The following UMAD1 variants were observed in gnomAD, a reference collection of about 807,000 sequenced individuals.
UMAD1 encodes the protein UBAP1-MVB12-associated (UMA)-domain containing protein 1.
UMAD1 carries 8 observed loss-of-function variants against 6.1 expected under a neutral mutation model. That is an observed-to-expected ratio of 1.30 (90% CI 0.76 to 2.35). UMAD1 has a LOEUF of 2.35. Among genes scored for constraint, UMAD1 ranks in the 30% most tolerant of loss-of-function variants. UMAD1 has a pLI of 0.00. For synonymous variants in UMAD1, 56 were observed against 31.4 expected (o/e 1.78, Z -2.61); for missense variants, 130 against 78.4 (o/e 1.66, Z -2.49).
chr7:7,798,461 T>C (rs1782731168), intron 2 of UMAD1, among the ~76,000 whole-genome samples: 1 of 152,210 alleles, frequency 6.6e-6, no homozygotes, highest in Admixed American at 6.5e-5. Flanking sequence ...GTGTATTTGC[T>C]TTGAAGGAGC....
chr7:7,790,385 G>T (rs1392104720), intron 2 of UMAD1, among the ~76,000 whole-genome samples: 1 of 152,208 alleles, frequency 6.6e-6, no homozygotes, highest in Non-Finnish European at 1.5e-5. Context: ...TCCATCCCAT[G>T]CCAGCCTATG....
rs1375402386 is a variant in UMAD1, at chr7:7,791,437, G to A, written c.83-10233G>A. ...TGACATGGGAAAGATATTAACAGCA[G>A]CAACAACACAAAATCTTTCAAGATG... On this transcript the variant is annotated intron_variant, in intron 2 of 3. Transcript: ENST00000682710. 3.3e-5 allele frequency among the ~76,000 whole-genome samples: 5 copies of A among 152,128 alleles called. No individual in the cohort carries two copies. The South Asian group carries it at 1.0e-3, about 32-fold the overall frequency.
intron 1 of UMAD1, among the ~76,000 whole-genome samples, chr7:7,669,757 G>A (rs368980739): frequency 1.3e-5 from 2 of 152,172 alleles, no homozygotes; most frequent in Admixed American, 6.5e-5. Flanking sequence ...AGACACGAGG[G>A]TGACTGATGC....
intron 2 of UMAD1, among the ~76,000 whole-genome samples, chr7:7,778,235 TGTGTGTGTGTG>T (rs1782261348): frequency 2.3e-5 from 1 of 43,198 alleles, no homozygotes; most frequent in African/African-American, 7.0e-5. Flanking sequence ...TTTGTGTGTG[TGTGTGTGTGTG>T]TGTGTGTGTG....
intron 1 of UMAD1, among the ~76,000 whole-genome samples, chr7:7,652,492 T>C (rs1450321436): frequency 1.3e-5 from 2 of 152,240 alleles, no homozygotes; most frequent in East Asian, 1.9e-4. Flanking sequence ...TTGACTAGAC[T>C]AGAATGTGAG....
At position 7,859,360 on chromosome 7, in the gene UMAD1, G is replaced by C. The variant is rs190351293; in HGVS notation, c.157-17921G>C. Among the ~76,000 whole-genome samples, 168 of 152,270 alleles carry C rather than the reference G, an allele frequency of 1.1e-3. 2 individuals are homozygous for C. The highest frequency in any genetic ancestry group is 1.8e-4 in the Non-Finnish European group (12 of 68,000). On this transcript the variant is annotated intron_variant, in intron 3 of 3. Transcript: ENST00000682710. ...TGTTTATGTTTCTTACCATAATCAA[G>C]AACAGTGTGAAGTTAGGTATTCTTC...
rs184474456 is a variant in UMAD1, at chr7:7,667,926, C to T, written c.-63-5383C>T. On this transcript the variant is annotated intron_variant, in intron 1 of 3. Transcript: ENST00000682710. ...CAATACTTAACCTAGTTTTTCACTT[C>T]AGTTCTTTTTTGTTCATTTAACACA... Among the ~76,000 whole-genome samples, 14 of 152,138 alleles carry T rather than the reference C, an allele frequency of 9.2e-5. No homozygotes were observed. The East Asian group carries it at 2.7e-3, about 29-fold the overall frequency.
chr7:7,839,597 A>G (rs1783637355), intron 3 of UMAD1, among the ~76,000 whole-genome samples: 1 of 152,202 alleles, frequency 6.6e-6, no homozygotes, highest in Admixed American at 6.5e-5. Flanking sequence ...AATAGGACTT[A>G]CAATAGCATG....
chr7:7,690,386 C>A (rs1193690160), intron 2 of UMAD1, among the ~76,000 whole-genome samples: 1 of 151,828 alleles, frequency 6.6e-6, no homozygotes, highest in Admixed American at 6.6e-5. Flanking sequence ...AGTTTAAAAC[C>A]AAGTATATAT....
chr7:7,863,442 T>C (rs559145979), intron 3 of UMAD1, among the ~76,000 whole-genome samples: 72 of 152,332 alleles, frequency 4.7e-4, no homozygotes, highest in Middle Eastern at 3.4e-3. Context: ...CATGAAACTT[T>C]GATAAAATTG....
chr7:7,644,147 T>C (rs1217467175), intron 1 of UMAD1, among the ~76,000 whole-genome samples: 6 of 152,220 alleles, frequency 3.9e-5, no homozygotes, highest in Admixed American at 2.6e-4. Context: ...GAAGTGTTTT[T>C]TTGTCGTGAC....
intron 2 of UMAD1, among the ~76,000 whole-genome samples, chr7:7,719,091 GT>G (rs5882135): frequency 6.6e-6 from 1 of 151,772 alleles, no homozygotes; most frequent in South Asian, 2.1e-4. Flanking sequence ...TTTAAGAACT[GT>G]TTTTTTCTGC....
chr7:7,871,787 A>G (rs1324119990), intron 3 of UMAD1, among the ~76,000 whole-genome samples: 1 of 152,092 alleles, frequency 6.6e-6, no homozygotes, highest in Non-Finnish European at 1.5e-5. Flanking sequence ...TGTACTAGAT[A>G]TAGTTTGATA....
intron 2 of UMAD1, among the ~76,000 whole-genome samples, chr7:7,754,155 A>G (rs1406304403): frequency 6.6e-6 from 1 of 152,182 alleles, no homozygotes; most frequent in Non-Finnish European, 1.5e-5. Context: ...ATTGCACTCC[A>G]GCCTGGGTGA....
At chr7:7,758,183 A>T (rs1781816408) in intron 2 of UMAD1, among the ~76,000 whole-genome samples, 1 of 152,018 alleles carries the variant, frequency 6.6e-6, no homozygotes, top group Non-Finnish European at 1.5e-5. Flanking sequence ...TGCTATGGTT[A>T]CGGGCATGAG....
chr7:7,661,923 G>A lies in UMAD1; in HGVS notation c.-63-11386G>A, dbSNP rs374684771. On this transcript the variant is annotated intron_variant, in intron 1 of 3. Transcript: ENST00000682710. Reference sequence around the variant, plus strand: ...TGCACCCACAGCTGCCCCTTCCCCCGAGGTGCTCTGTCCCTGGGAGATGGG... The same window carrying A: ...TGCACCCACAGCTGCCCCTTCCCCCAAGGTGCTCTGTCCCTGGGAGATGGG... 1.6e-4 allele frequency among the ~76,000 whole-genome samples: 25 copies of A among 152,194 alleles called. No individual in the cohort carries two copies. In the East Asian group the frequency reaches 3.9e-3, roughly 24 times the overall value.
intron 2 of UMAD1, among the ~76,000 whole-genome samples, chr7:7,793,675 CAG>C: frequency 6.6e-6 from 1 of 152,108 alleles, no homozygotes; most frequent in East Asian, 1.9e-4. Context: ...AATGCATTAA[CAG>C]GGAGTCATGA....
chr7:7,778,317 T>C lies in UMAD1; in HGVS notation c.83-23353T>C, dbSNP rs114632297. On this transcript the variant is annotated intron_variant, in intron 2 of 3. Coordinates refer to ENST00000682710, the MANE Select transcript of UMAD1 (RefSeq NM_001302348.2). ...GAGAGACAGAGAGAGAGCGTAAATATGGCAAAGTTTAACAACTGATGAATA... is the reference window on the plus strand; with the variant it reads ...GAGAGACAGAGAGAGAGCGTAAATACGGCAAAGTTTAACAACTGATGAATA... 6.8e-3 allele frequency among the ~76,000 whole-genome samples: 1,018 copies of C among 150,674 alleles called. 12 individuals carry two copies. Among genetic ancestry groups the C allele is most frequent in the African/African-American group, 0.024 (966 of 40,806 alleles).
At chr7:7,775,462 C>T (rs1482401572) in intron 2 of UMAD1, among the ~76,000 whole-genome samples, 1 of 152,192 alleles carries the variant, frequency 6.6e-6, no homozygotes, top group African/African-American at 2.4e-5. Flanking sequence ...CATTCTCTTT[C>T]CTGCCACCCT....
Sources: allele counts gnomAD v4.1 joint callset (sites outside exome capture counted in the v4.1 genomes callset), GRCh38; gene constraint gnomAD v4.1.1; transcripts MANE v1.5; gene names NCBI Gene and HGNC (gene_info 2026-07-23, HGNC 2026-07-21).